The following PDE1C variants were observed in gnomAD, a reference collection of about 807,000 sequenced individuals.
PDE1C encodes dual specificity calcium/calmodulin-dependent 3',5'-cyclic nucleotide phosphodiesterase 1C.
In PDE1C, 62 loss-of-function variants were observed where a neutral mutation model predicts 93.1. That is an observed-to-expected ratio of 0.67 (90% CI 0.54 to 0.82). The LOEUF is 0.82. Among genes scored for constraint, PDE1C ranks in the 40% least tolerant of loss-of-function variants. The pLI is 0.00. For synonymous variants in PDE1C, 325 were observed against 310.1 expected, an observed-to-expected ratio of 1.05 and a Z score of -0.50; for missense variants, 742 against 884.6, an observed-to-expected ratio of 0.84 and a Z score of 2.04.
chr7:32,146,320 T>G, intron 3 of PDE1C, among the ~76,000 whole-genome samples: 1 of 152,178 alleles, frequency 6.6e-6, no homozygotes, highest in East Asian at 1.9e-4. Context: ...TTTACAGTTC[T>G]TGAGGTTAGA....
chr7:31,663,590 A>G, the PDE1C span, among the ~76,000 whole-genome samples: 7 of 152,338 alleles, frequency 4.6e-5, no homozygotes, highest in African/African-American at 1.7e-4. Context: ...TCTCTCCTCC[A>G]GTTGACCTGC....
chr7:32,207,419 C>G (rs1805665204), intron 2 of PDE1C, among the ~76,000 whole-genome samples: 1 of 151,692 alleles, frequency 6.6e-6, no homozygotes, highest in Non-Finnish European at 1.5e-5. Context: ...ACTCTTCATT[C>G]ACACCACACA....
the PDE1C span, among the ~76,000 whole-genome samples, chr7:31,696,421 G>C: frequency 6.6e-6 from 1 of 152,224 alleles, no homozygotes; most frequent in Non-Finnish European, 1.5e-5. Context: ...TTGGAGCTCA[G>C]TGTGGGTAGT....
intron 1 of PDE1C, among the ~76,000 whole-genome samples, chr7:32,053,289 G>A (rs747210936): frequency 1.3e-5 from 2 of 152,110 alleles, no homozygotes; most frequent in African/African-American, 2.4e-5. Context: ...TCTTTGTGTG[G>A]TTTACCTCAT....
chr7:31,719,729 G>T, the PDE1C span, among the ~76,000 whole-genome samples: 40 of 152,254 alleles, frequency 2.6e-4, no homozygotes, highest in African/African-American at 8.9e-4. Context: ...TAAGCCCATT[G>T]GGCAGATAAA....
At chr7:31,726,961 G>A in the PDE1C span, among the ~76,000 whole-genome samples, 4 of 152,246 alleles carry the variant, frequency 2.6e-5, no homozygotes, top group Middle Eastern at 6.8e-3. Flanking sequence ...ACTTGAACCC[G>A]GGAGGTGGAG....
Position 32,192,629 on chromosome 7 carries a change from C to T in PDE1C, c.136+16860G>A, listed in dbSNP as rs867566340. On this transcript the variant is annotated intron_variant, in intron 2 of 18. Transcript: ENST00000396193. The stretch of plus-strand genomic sequence containing the variant: ...TGAAATCGAGTAGATAGACTCCTCA[C>T]ACTTTTTTTTCTTTTTAAAAATGGT... 2.6e-5 allele frequency among the ~76,000 whole-genome samples: 4 copies of T among 151,932 alleles called. No homozygotes were observed. In the South Asian group the frequency reaches 6.2e-4, roughly 24 times the overall value.
chr7:31,802,921 T>C (rs866829859), intron 16 of PDE1C, among the ~76,000 whole-genome samples: 1 of 151,890 alleles, frequency 6.6e-6, no homozygotes, highest in South Asian at 2.1e-4. Flanking sequence ...TTGAGATGTA[T>C]TGAGCTTCTT....
chr7:31,667,508 C>T, the PDE1C span, among the ~76,000 whole-genome samples: 7 of 152,244 alleles, frequency 4.6e-5, no homozygotes, highest in African/African-American at 7.2e-5. Flanking sequence ...TAGCTATTGA[C>T]GCCCGTGCTA....
chr7:32,296,015 T>C (rs1309717555), intron 1 of PDE1C, among the ~76,000 whole-genome samples: 1 of 152,196 alleles, frequency 6.6e-6, no homozygotes, highest in Non-Finnish European at 1.5e-5. Context: ...AAGTTGATTT[T>C]TTAAATACTT....
intron 1 of PDE1C, among the ~76,000 whole-genome samples, chr7:32,060,089 T>A (rs1172157087): frequency 6.6e-6 from 1 of 152,178 alleles, no homozygotes; most frequent in Non-Finnish European, 1.5e-5. Flanking sequence ...TAAGACAAAA[T>A]CTCACTCTTC....
chr7:31,882,029 G>A (rs536168409), intron 2 of PDE1C, among the ~76,000 whole-genome samples: 1 of 152,154 alleles, frequency 6.6e-6, no homozygotes, highest in East Asian at 1.9e-4. Flanking sequence ...TTCATGGCAA[G>A]GTATAGACTA....
At chr7:32,217,494 G>C (rs145529063) in intron 1 of PDE1C, among the ~76,000 whole-genome samples, 1 of 152,278 alleles carries the variant, frequency 6.6e-6, no homozygotes, top group East Asian at 1.9e-4. Flanking sequence ...GTTGATGCTT[G>C]ACAAGCCTGG....
At chr7:32,211,898 T>C (rs558729567) in intron 1 of PDE1C, among the ~76,000 whole-genome samples, 1 of 151,402 alleles carries the variant, frequency 6.6e-6, no homozygotes, top group South Asian at 2.1e-4. Context: ...TGGTGGAGCA[T>C]GCCTGTAATG....
At chr7:32,237,742 GTATATATA>G (rs372356671) in intron 1 of PDE1C, among the ~76,000 whole-genome samples, 327 of 31,262 alleles carry the variant, frequency 0.01, 28 homozygotes, top group African/African-American at 0.038. Flanking sequence ...TTGGCTCTGT[GTATATATA>G]TATATATATA....
chr7:32,016,005 G>T (rs993770095), intron 2 of PDE1C, among the ~76,000 whole-genome samples: 2 of 152,170 alleles, frequency 1.3e-5, no homozygotes, highest in African/African-American at 4.8e-5. Flanking sequence ...CCATCAGTAT[G>T]CCATGTCAGT....
intron 17 of PDE1C, among the ~76,000 whole-genome samples, chr7:31,768,813 G>T (rs115333648): frequency 0.018 from 2,713 of 149,606 alleles, 79 homozygotes; most frequent in African/African-American, 0.062. Context: ...TTTTTTTTTT[G>T]AATGGAGTGG....
intron 2 of PDE1C, among the ~76,000 whole-genome samples, chr7:31,994,311 C>G (rs901480781): frequency 6.6e-6 from 1 of 152,014 alleles, no homozygotes; most frequent in Non-Finnish European, 1.5e-5. Flanking sequence ...GATACCAAAA[C>G]TTTTTTAAAT....
chr7:32,289,734 C>T (rs1196909441), intron 1 of PDE1C, among the ~76,000 whole-genome samples: 4 of 152,108 alleles, frequency 2.6e-5, no homozygotes, highest in African/African-American at 9.7e-5. Context: ...CTTGTGAATG[C>T]TGAATTAGAC....
Sources: allele counts gnomAD v4.1 joint callset (sites outside exome capture counted in the v4.1 genomes callset), GRCh38; gene constraint gnomAD v4.1.1; transcripts MANE v1.5; gene names NCBI Gene and HGNC (gene_info 2026-07-23, HGNC 2026-07-21).